Variants in THSD7B observed in about 807,000 individuals in gnomAD.
The protein encoded by THSD7B is thrombospondin type 1 domain containing 7B.
THSD7B carries 138 observed loss-of-function variants against 213.6 expected under a neutral mutation model. The ratio of observed to expected loss-of-function variants is 0.65; its 90% CI spans 0.56 to 0.74. The LOEUF (loss-of-function observed/expected upper bound fraction) is 0.74. THSD7B is among the 30% of genes least tolerant of loss of function. The probability of loss-of-function intolerance (pLI) is 0.00; values close to 1 mark genes in which losing one functional copy is unlikely to be tolerated. For synonymous variants in THSD7B, 742 were observed against 687.0 expected (o/e 1.08, Z -1.25); for missense variants, 1,931 against 1,991.5 (o/e 0.97, Z 0.58).
At chr2:137,331,812 C>A (rs966718188) in intron 12 of THSD7B, among the ~76,000 whole-genome samples, 2 of 152,200 alleles carry the variant, frequency 1.3e-5, no homozygotes, top group Admixed American at 6.5e-5. Context: ...GCTGGTACTG[C>A]TGGGGGACCC....
At chr2:136,864,848 G>A (rs1456163358) in intron 1 of THSD7B, among the ~76,000 whole-genome samples, 1 of 152,124 alleles carries the variant, frequency 6.6e-6, no homozygotes, top group African/African-American at 2.4e-5. Context: ...CACCGTGCCT[G>A]GCCTATTTTT....
At position 137,497,859 on chromosome 2, in the gene THSD7B, T is replaced by C. The variant is rs528221546; in HGVS notation, c.3138+46836T>C. Among the ~76,000 whole-genome samples, 102 of 152,308 alleles carry C rather than the reference T, an allele frequency of 6.7e-4. 1 individual carries two copies. Among genetic ancestry groups the C allele is most frequent in the Non-Finnish European group, 1.1e-3 (77 of 68,022 alleles). On this transcript the variant is annotated intron_variant, in intron 15 of 27. Coordinates refer to ENST00000409968, the MANE Select transcript of THSD7B (RefSeq NM_001316349.2). ...GTAACTTTAAGAGGGTAAACTAATA[T>C]TGGTTTTCATGGAGTGCTTGTTTCT...
At chr2:136,886,519 T>A (rs754979408) in intron 2 of THSD7B, among the ~76,000 whole-genome samples, 29 of 152,154 alleles carry the variant, frequency 1.9e-4, no homozygotes, top group Admixed American at 4.6e-4. Context: ...CATTTGGCAA[T>A]GCCTGGAGAC....
intron 10 of THSD7B, among the ~76,000 whole-genome samples, chr2:137,269,648 A>AT (rs1682688399): frequency 6.6e-6 from 1 of 152,250 alleles, no homozygotes; most frequent in African/African-American, 2.4e-5. Flanking sequence ...ATAATACAGT[A>AT]TAATTGACAT....
intron 4 of THSD7B, among the ~76,000 whole-genome samples, chr2:137,111,183 A>AT: frequency 6.6e-6 from 1 of 152,272 alleles, no homozygotes; most frequent in Middle Eastern, 3.4e-3. Context: ...CTGTACTTGT[A>AT]TTTGAGATTA....
chr2:137,218,665 C>T (rs116458745), intron 7 of THSD7B, among the ~76,000 whole-genome samples: 10 of 152,156 alleles, frequency 6.6e-5, no homozygotes, highest in African/African-American at 2.4e-4. Context: ...ATATGCATAT[C>T]ATTAATTTAG....
chr2:136,808,215 T>C (rs907628417), intron 1 of THSD7B, among the ~76,000 whole-genome samples: 1 of 152,256 alleles, frequency 6.6e-6, no homozygotes, highest in African/African-American at 2.4e-5. Flanking sequence ...TAATGTGGTA[T>C]AGTGCTTATG....
intron 12 of THSD7B, among the ~76,000 whole-genome samples, chr2:137,279,919 G>A (rs1192352193): frequency 6.6e-6 from 1 of 152,114 alleles, no homozygotes; most frequent in East Asian, 1.9e-4. Flanking sequence ...TTGTCTTTGA[G>A]GATTCTTTGT....
intron 2 of THSD7B, among the ~76,000 whole-genome samples, chr2:136,943,064 C>A (rs935150731): frequency 6.6e-6 from 1 of 152,138 alleles, no homozygotes; most frequent in Non-Finnish European, 1.5e-5. Flanking sequence ...GCATGAAAGG[C>A]TGTTGAATTT....
Position 137,057,076 on chromosome 2 carries a change from G to A in THSD7B, c.796G>A (p.Val266Ile), listed in dbSNP as rs762406144. Reference protein sequence around the residue: ...LKEINPSGRTVLDFNSDSNER... With the variant: ...LKEINPSGRTILDFNSDSNER... ...AGAAATTAATCCAAGCGGAAGAACT[G>A]TTCTGGATTTTAACTCTGATTCAAA... The change falls in exon 3 of 28, where the codon GTT becomes ATT. Residue 266 changes from valine to isoleucine, a missense_variant. Coordinates refer to ENST00000409968, the MANE Select transcript of THSD7B (RefSeq NM_001316349.2). The A allele has an allele frequency of 1.2e-6, 2 of 1,613,932 alleles. No homozygotes were observed. Among genetic ancestry groups the A allele is most frequent in the Non-Finnish European group, 1.7e-6 (2 of 1,179,892 alleles).
At chr2:137,577,426 A>G (rs189241438) in intron 17 of THSD7B, among the ~76,000 whole-genome samples, 1 of 152,184 alleles carries the variant, frequency 6.6e-6, no homozygotes, top group Admixed American at 6.5e-5. Flanking sequence ...TTGATTCTCA[A>G]TATCATCAAT....
At chr2:137,070,724 C>A (rs537989294) in intron 3 of THSD7B, among the ~76,000 whole-genome samples, 2 of 152,122 alleles carry the variant, frequency 1.3e-5, no homozygotes, top group East Asian at 3.9e-4. Context: ...TCCCCCACCC[C>A]ACAACAATCC....
chr2:136,907,989 T>A (rs1279713435), intron 2 of THSD7B, among the ~76,000 whole-genome samples: 1 of 152,226 alleles, frequency 6.6e-6, no homozygotes, highest in African/African-American at 2.4e-5. Context: ...GTTTTTTTTA[T>A]TTGCCTAAAG....
intron 12 of THSD7B, among the ~76,000 whole-genome samples, chr2:137,301,815 A>C (rs984010519): frequency 4.6e-5 from 7 of 152,076 alleles, no homozygotes; most frequent in African/African-American, 7.2e-5. Context: ...ACAGTGAGAC[A>C]AGAGGCCAAA....
intron 3 of THSD7B, among the ~76,000 whole-genome samples, chr2:137,084,316 T>C (rs1687799812): frequency 6.6e-6 from 1 of 152,112 alleles, no homozygotes; most frequent in South Asian, 2.1e-4. Flanking sequence ...ACGTGACAGT[T>C]GGGAAGAAAG....
At chr2:137,122,430 G>T (rs975412794) in intron 5 of THSD7B, among the ~76,000 whole-genome samples, 30 of 152,110 alleles carry the variant, frequency 2.0e-4, no homozygotes, top group African/African-American at 6.5e-4. Flanking sequence ...GTTTAAACAG[G>T]TGTTCATATG....
chr2:137,470,679 T>C lies in THSD7B; in HGVS notation c.3138+19656T>C, dbSNP rs113186007. On this transcript the variant is annotated intron_variant, in intron 15 of 27. Transcript: ENST00000409968. ...CAGCTACAGAATACATTATTTGGAC[T>C]AGTCAGTGTTTGCTACCAGCTGTCA... Among the ~76,000 whole-genome samples the C allele has an allele frequency of 7.2e-4, 110 of 152,256 alleles. 1 individual carries two copies. Among genetic ancestry groups the C allele is most frequent in the Middle Eastern group, 3.4e-3 (1 of 294 alleles).
At chr2:137,375,541 C>T (rs1370292523) in intron 12 of THSD7B, among the ~76,000 whole-genome samples, 5 of 152,122 alleles carry the variant, frequency 3.3e-5, no homozygotes, top group Admixed American at 3.3e-4. Context: ...AGCTGTTCTT[C>T]ATTAAAAAGT....
intron 2 of THSD7B, among the ~76,000 whole-genome samples, chr2:136,948,477 CAT>C (rs34861772): frequency 0.074 from 11,211 of 151,798 alleles, 661 homozygotes; most frequent in African/African-American, 0.16. Context: ...CACACACACA[CAT>C]GCACACATAC....
Sources: gnomAD v4.1 joint callset for allele counts (sites outside exome capture counted in the v4.1 genomes callset) on GRCh38, gnomAD v4.1.1 for gene constraint, MANE v1.5 for transcripts, NCBI Gene and HGNC (gene_info 2026-07-23, HGNC 2026-07-21) for gene names.